Variants in NSF observed in about 807,000 individuals in gnomAD.
The protein encoded by NSF is N-ethylmaleimide sensitive factor, vesicle fusing ATPase.
In NSF, 14 loss-of-function variants were observed where a neutral mutation model predicts 50.3. The observed-to-expected ratio is 0.28, with a 90% CI of 0.18 to 0.44. The LOEUF (loss-of-function observed/expected upper bound fraction) is 0.44. NSF is among the 20% of genes least tolerant of loss of function. The probability of loss-of-function intolerance (pLI) is 1.00; values close to 1 mark genes in which losing one functional copy is unlikely to be tolerated. For synonymous variants in NSF, 109 were observed against 175.7 expected (o/e 0.62, Z 3.00); for missense variants, 218 against 504.3 (o/e 0.43, Z 5.44).
intron 9 of NSF, among the ~76,000 whole-genome samples, chr17:46,679,734 G>A (rs1208778974): frequency 2.0e-5 from 3 of 151,282 alleles, no homozygotes; most frequent in Non-Finnish European, 4.4e-5. Context: ...TTAACATTAA[G>A]TCAAATGTGC....
At chr17:46,602,261 CAGAG>C (rs1320740225) in intron 1 of NSF, among the ~76,000 whole-genome samples, 2 of 56,828 alleles carry the variant, frequency 3.5e-5, no homozygotes, top group Non-Finnish European at 3.1e-5. Context: ...AGAGTAGACA[CAGAG>C]AGCACTTCAA....
At chr17:46,685,124 A>G (rs1028745776) in intron 9 of NSF, among the ~76,000 whole-genome samples, 1 of 140,070 alleles carries the variant, frequency 7.1e-6, no homozygotes, top group African/African-American at 2.7e-5. Context: ...ACGGACCCTA[A>G]TGAGATACTG....
intron 17 of NSF, among the ~76,000 whole-genome samples, chr17:46,742,227 T>C (rs2059080978): frequency 6.6e-6 from 1 of 152,246 alleles, no homozygotes; most frequent in African/African-American, 2.4e-5. Flanking sequence ...TTCTTTAAAA[T>C]TTGTTGCTAT....
chr17:46,754,009 A>C (rs1001073206), intron 19 of NSF, among the ~76,000 whole-genome samples: 3 of 152,172 alleles, frequency 2.0e-5, no homozygotes, highest in Non-Finnish European at 2.9e-5. Flanking sequence ...TCATTTATCT[A>C]GATTACTTTT....
At chr17:46,741,225 G>C (rs1052738663) in intron 17 of NSF, among the ~76,000 whole-genome samples, 5 of 152,174 alleles carry the variant, frequency 3.3e-5, no homozygotes, top group African/African-American at 1.2e-4. Flanking sequence ...CAGAGAATGA[G>C]GGGGTTTGGG....
intron 13 of NSF, 144 bp from the exon 14 acceptor site, chr17:46,710,819 C>A: frequency 1.5e-6 from 1 of 655,806 alleles, no homozygotes; most frequent in Non-Finnish European, 2.3e-6. Flanking sequence ...AGAAATTATA[C>A]AAGTTGTTTT....
In NSF at chr17:46,719,365, A is replaced by C. The variant is rs1487274417; in HGVS notation, c.1761+5379A>C. On this transcript the variant is annotated intron_variant, in intron 15 of 20. Coordinates refer to ENST00000398238, the MANE Select transcript of NSF (RefSeq NM_006178.4). This position sits in a 1 kb window ranked among gnomAD's most constrained non-coding sequence, Gnocchi z 4.3. ...GAGGGCTGTTAGGCTTGCTTTAATG[A>C]GTACATGAGATTTTATTATAATTAT... Among the ~76,000 whole-genome samples, 2 of 152,214 alleles carry C rather than the reference A, an allele frequency of 1.3e-5. No homozygotes were observed. Among genetic ancestry groups the C allele is most frequent in the African/African-American group, 2.4e-5 (1 of 41,450 alleles).
chr17:46,728,968 CAA>C (rs752025843), intron 17 of NSF, 34 bp downstream of exon 17: 3 of 1,309,080 alleles, frequency 2.3e-6, no homozygotes, highest in Non-Finnish European at 3.2e-6. Flanking sequence ...AATATTTTAA[CAA>C]AGAGTTTTTC....
At chr17:46,657,675 G>A (rs2058271367) in intron 8 of NSF, among the ~76,000 whole-genome samples, 1 of 116,532 alleles carries the variant, frequency 8.6e-6, no homozygotes, top group African/African-American at 3.4e-5. Flanking sequence ...TTTACTTTTT[G>A]GCTCCTCATA....
chr17:46,713,561 A>G (rs1462886587), intron 14 of NSF, among the ~76,000 whole-genome samples: 1 of 152,230 alleles, frequency 6.6e-6, no homozygotes, highest in Non-Finnish European at 1.5e-5. Flanking sequence ...CGTTCTTTTA[A>G]GAAGCAAAAC....
chr17:46,626,243 TCTC>T (rs1339739344), intron 2 of NSF, among the ~76,000 whole-genome samples: 3 of 104,506 alleles, frequency 2.9e-5, no homozygotes, highest in Admixed American at 1.0e-4. Flanking sequence ...TTGGCTCTCT[TCTC>T]CTTATTAGGA....
chr17:46,718,014 C>T (rs2058791083), intron 15 of NSF, among the ~76,000 whole-genome samples: 1 of 152,172 alleles, frequency 6.6e-6, no homozygotes, highest in Admixed American at 6.5e-5. Flanking sequence ...GCCTGCTCAT[C>T]ATCCTGATTG....
chr17:46,729,923 A>G (rs1568050415), intron 17 of NSF, among the ~76,000 whole-genome samples: 1 of 152,124 alleles, frequency 6.6e-6, no homozygotes, highest in Admixed American at 6.6e-5. Context: ...GATTTGCAAC[A>G]TATGTGTACT....
At chr17:46,722,194 G>A (rs1301257085) in intron 15 of NSF, 27 of 1,594,094 alleles carry the variant, frequency 1.7e-5, no homozygotes, top group Non-Finnish European at 2.3e-5. Context: ...AACTTGCAGC[G>A]CCTGCTTAGG....
chr17:46,721,726 T>C (rs1334779436), intron 15 of NSF: 1 of 1,605,958 alleles, frequency 6.2e-7, no homozygotes, highest in Non-Finnish European at 8.5e-7. Context: ...TGCTATCTAG[T>C]TTGACGGGGA....
At chr17:46,750,525 T>C (rs1185040589) in intron 18 of NSF, among the ~76,000 whole-genome samples, 3 of 152,212 alleles carry the variant, frequency 2.0e-5, no homozygotes, top group Non-Finnish European at 2.9e-5. Context: ...TTTGGAGCAT[T>C]TTAGATTTCA....
At chr17:46,728,746 A>T in intron 16 of NSF, 109 bp from the exon 17 acceptor site, 1 of 635,856 alleles carries the variant, frequency 1.6e-6, no homozygotes, top group Non-Finnish European at 2.6e-6. Flanking sequence ...TATTCTGCTT[A>T]TGTAGGGACT....
In NSF at chr17:46,742,847, G is replaced by A. The variant is rs145697362; in HGVS notation, c.1909-6926G>A. 7.2e-5 allele frequency among the ~76,000 whole-genome samples: 11 copies of A among 152,328 alleles called. No homozygotes were observed. In the East Asian group the frequency reaches 2.1e-3, roughly 29 times the overall value. ...AAGATAAATGCAGAGAAGCACTATG[G>A]CAAGGTAGAATTTTTCTAAGGGTCT... is the stretch of plus-strand genomic sequence containing the variant. On this transcript the variant is annotated intron_variant, in intron 17 of 20. Transcript: ENST00000398238.
intron 15 of NSF, 105 bp downstream of exon 15, chr17:46,714,091 A>G (rs1224522083): frequency 1.4e-5 from 18 of 1,243,846 alleles, no homozygotes; most frequent in Non-Finnish European, 1.8e-5. Flanking sequence ...CATAGCAACT[A>G]TGTTCTTCTC....
Sources: allele counts gnomAD v4.1 joint callset (sites outside exome capture counted in the v4.1 genomes callset), GRCh38; gene constraint gnomAD v4.1.1; non-coding constraint Gnocchi (gnomAD v3.1); transcripts MANE v1.5; gene names NCBI Gene and HGNC (gene_info 2026-07-23, HGNC 2026-07-21).